ZNF366: variants seen among roughly 807,000 people sequenced by gnomAD.
ZNF366 encodes the protein dendritic cell-specific transcript protein.
ZNF366 carries 20 observed loss-of-function variants against 47.2 expected under a neutral mutation model. The observed-to-expected ratio is 0.42, with a 90% CI of 0.30 to 0.62. The LOEUF (loss-of-function observed/expected upper bound fraction) is 0.62. Ranked by LOEUF, ZNF366 falls within the 20% of genes least tolerant of loss-of-function variation. The pLI is 0.16. For missense variants in ZNF366, 987 were observed against 976.3 expected (o/e 1.01, Z -0.15); for synonymous variants, 421 against 395.1 (o/e 1.07, Z -0.78).
chr5:72,460,792 G>A lies in ZNF366; in HGVS notation c.705C>T (p.Asn235=), dbSNP rs1348215360. ...TKQKVERVDV[N]VQIDDSYYVD... is the part of the protein sequence containing the mutation. ...CGTAGTAGCTGTCATCGATCTGCAC[G>A]TTCACGTCCACCCTCTCCACCTTCT... Residue 235 remains asparagine (N), a synonymous_variant, in exon 2 of 5, where the codon AAC becomes AAT. Transcript: ENST00000318442. 1.2e-6 allele frequency: 2 copies of A among 1,614,098 alleles called. No homozygotes were observed. Among genetic ancestry groups the A allele is most frequent in the African/African-American group, 2.7e-5 (2 of 74,944 alleles).
intron 2 of ZNF366, among the ~76,000 whole-genome samples, chr5:72,459,109 C>CA (rs1365679634): frequency 6.6e-6 from 1 of 152,212 alleles, no homozygotes; most frequent in Admixed American, 6.5e-5. Flanking sequence ...GCAGAGCCCA[C>CA]AAGGCAGCCA....
In ZNF366 at chr5:72,443,597, G is replaced by A; in HGVS notation, c.*159C>T. On this transcript the variant is annotated 3_prime_UTR_variant, in exon 5 of 5. Coordinates refer to ENST00000318442, the MANE Select transcript of ZNF366 (RefSeq NM_152625.3). The stretch of plus-strand genomic sequence containing the variant: ...GTATCAAGGGCCCCGTGAATGACCT[G>A]AGAAGGCTTTCCATTACCTACATCC... 1.3e-6 allele frequency: 1 copy of A among 797,856 alleles called. No individual in the cohort carries two copies. Among genetic ancestry groups the A allele is most frequent in the Non-Finnish European group, 1.9e-6 (1 of 518,438 alleles). 49.4% of individuals were successfully genotyped at this position (797,856 alleles called of 1,614,324 possible). A position where few individuals can be genotyped will look rare whatever the true frequency, so the allele number is the denominator to read the frequency against.
chr5:72,450,340 A>C (rs1280289829), intron 3 of ZNF366, among the ~76,000 whole-genome samples: 1 of 152,140 alleles, frequency 6.6e-6, no homozygotes, highest in Non-Finnish European at 1.5e-5. Context: ...TCCCTTCCCC[A>C]ACTCCATGCA....
rs1051941787 is a variant in ZNF366 at position 72,440,665 on chromosome 5, C to A, written c.*3091G>T. The A allele has an allele frequency of 1.3e-5, 2 of 152,170 alleles. No homozygotes were observed. The highest frequency in any genetic ancestry group is 2.9e-5 in the Non-Finnish European group (2 of 68,042). 9.4% of individuals were successfully genotyped at this position (152,170 alleles called of 1,614,324 possible). On this transcript the variant is annotated 3_prime_UTR_variant, in exon 5 of 5. Coordinates refer to ENST00000318442, the MANE Select transcript of ZNF366 (RefSeq NM_152625.3). Reference sequence around the variant, plus strand: ...AACTCTGTGCTCTTGCATAAAGTGTCCATGTAATTTCTCACCCAAACTGGA... The same window carrying A: ...AACTCTGTGCTCTTGCATAAAGTGTACATGTAATTTCTCACCCAAACTGGA...
chr5:72,452,694 T>A (rs1743099016), intron 3 of ZNF366, among the ~76,000 whole-genome samples: 1 of 152,272 alleles, frequency 6.6e-6, no homozygotes, highest in African/African-American at 2.4e-5. Flanking sequence ...AGGTTTCAGA[T>A]GACCTGGTGA....
intron 1 of ZNF366, among the ~76,000 whole-genome samples, chr5:72,483,339 G>A (rs1014816291): frequency 6.6e-6 from 1 of 152,140 alleles, no homozygotes; most frequent in African/African-American, 2.4e-5. Context: ...TGAACTTAGA[G>A]CATTATGCCA....
rs1400473671 is a variant in ZNF366 at position 72,500,826 on chromosome 5, G to A, written c.-15+6425C>T. 2.0e-5 allele frequency among the ~76,000 whole-genome samples: 3 copies of A among 152,192 alleles called. No homozygotes were observed. In the East Asian group the frequency reaches 5.8e-4, roughly 29 times the overall value. ...ATTCTGATTCAGTTGATCTGCAGTG[G>A]AGCTGGGATTTATTCTGCATTTCTA... On this transcript the variant is annotated intron_variant, in intron 1 of 4. Coordinates refer to ENST00000318442, the MANE Select transcript of ZNF366 (RefSeq NM_152625.3).
At chr5:72,473,534 A>G (rs772191524) in intron 1 of ZNF366, among the ~76,000 whole-genome samples, 12 of 152,184 alleles carry the variant, frequency 7.9e-5, no homozygotes, top group Non-Finnish European at 1.6e-4. Flanking sequence ...GACTTTCACA[A>G]TTAGCTACAA....
At chr5:72,491,991 A>G (rs536159654) in intron 1 of ZNF366, among the ~76,000 whole-genome samples, 4 of 152,336 alleles carry the variant, frequency 2.6e-5, no homozygotes, top group African/African-American at 9.6e-5. Flanking sequence ...ACATATGGAC[A>G]GGAAAAAATT....
chr5:72,473,947 A>T (rs561097549), intron 1 of ZNF366, among the ~76,000 whole-genome samples: 106 of 152,312 alleles, frequency 7.0e-4, no homozygotes, highest in Middle Eastern at 3.4e-3. Flanking sequence ...GCCTTTGAAA[A>T]GAGGTTTGTC....
chr5:72,496,229 A>G (rs189277489), intron 1 of ZNF366, among the ~76,000 whole-genome samples: 92 of 152,350 alleles, frequency 6.0e-4, no homozygotes, highest in African/African-American at 2.1e-3. Flanking sequence ...CAAGTTTGGA[A>G]TAATTTCATC....
At chr5:72,498,716 T>C (rs1187940976) in intron 1 of ZNF366, among the ~76,000 whole-genome samples, 4 of 152,232 alleles carry the variant, frequency 2.6e-5, no homozygotes, top group African/African-American at 9.6e-5. Context: ...GCTAACCCAT[T>C]GGCTCATAAT....
chr5:72,474,652 GCACACACA>G (rs60932161), intron 1 of ZNF366, among the ~76,000 whole-genome samples: 1 of 147,072 alleles, frequency 6.8e-6, no homozygotes, highest in Non-Finnish European at 1.5e-5. Context: ...GTACACCCAT[GCACACACA>G]CACACACACA....
intron 1 of ZNF366, chr5:72,472,437 A>C: frequency 3.0e-6 from 1 of 329,412 alleles, no homozygotes; most frequent in Non-Finnish European, 4.3e-6. Context: ...GATGTGAAGG[A>C]TGAGAGAAAA....
At chr5:72,498,559 C>G (rs1266269086) in intron 1 of ZNF366, among the ~76,000 whole-genome samples, 2 of 152,196 alleles carry the variant, frequency 1.3e-5, no homozygotes, top group Non-Finnish European at 2.9e-5. Context: ...CTTAAATCTT[C>G]TCTCATTTTC....
intron 2 of ZNF366, among the ~76,000 whole-genome samples, chr5:72,457,884 T>G (rs115520631): frequency 2.3e-3 from 345 of 152,280 alleles, no homozygotes; most frequent in African/African-American, 8.0e-3. Context: ...CTTTAGAAAT[T>G]AAATTTTGAT....
At position 72,460,500 on chromosome 5, in the gene ZNF366, C is replaced by A; in HGVS notation, c.997G>T (p.Glu333Ter). Reference protein sequence around the residue: ...HLKRHMMQHSEVKPHNCRVCG... With the variant: ...HLKRHMMQHS Reference sequence around the variant, plus strand: ...ACGCGGCAGTTGTGCGGCTTCACCTCGCTGTGCTGCATCATGTGGCGCTTC... The same window carrying A: ...ACGCGGCAGTTGTGCGGCTTCACCTAGCTGTGCTGCATCATGTGGCGCTTC... Residue 333 changes from glutamate (E) to a stop codon, truncating the protein, a stop_gained, in exon 2 of 5, where the codon GAG becomes TAG. Coordinates refer to ENST00000318442, the MANE Select transcript of ZNF366 (RefSeq NM_152625.3). LOFTEE classifies it high-confidence loss of function. 6.2e-7 allele frequency: 1 copy of A among 1,613,994 alleles called. No homozygotes were observed. The highest frequency in any genetic ancestry group is 8.5e-7 in the Non-Finnish European group (1 of 1,179,978).
At chr5:72,449,248 GT>G (rs34857525) in intron 3 of ZNF366, among the ~76,000 whole-genome samples, 21,577 of 144,000 alleles carry the variant, frequency 0.15, 1,709 homozygotes, top group East Asian at 0.41. Flanking sequence ...TGGCTGAAAG[GT>G]TTTTTTTTTT....
At chr5:72,479,452 C>T (rs1323357990) in intron 1 of ZNF366, among the ~76,000 whole-genome samples, 1 of 151,422 alleles carries the variant, frequency 6.6e-6, no homozygotes, top group Non-Finnish European at 1.5e-5. Flanking sequence ...TAAAAAAATC[C>T]TGTATGTCAA....
Sources: allele counts gnomAD v4.1 joint callset (sites outside exome capture counted in the v4.1 genomes callset), GRCh38; gene constraint gnomAD v4.1.1; transcripts MANE v1.5; gene names NCBI Gene and HGNC (gene_info 2026-07-23, HGNC 2026-07-21).